Variants in PLEKHA6 observed in about 807,000 individuals in gnomAD.
PLEKHA6 encodes the protein pleckstrin homology domain containing A6.
PLEKHA6 carries 60 observed loss-of-function variants against 116.7 expected under a neutral mutation model. The observed-to-expected ratio is 0.51, with a 90% CI of 0.42 to 0.64. PLEKHA6 has a LOEUF of 0.64. Among genes scored for constraint, PLEKHA6 ranks in the 30% least tolerant of loss-of-function variants. The pLI, the probability that PLEKHA6 is intolerant of heterozygous loss-of-function variation, is 0.00. For missense variants in PLEKHA6, 1,338 were observed against 1,422.7 expected (o/e 0.94, Z 0.96); for synonymous variants, 489 against 556.1 (o/e 0.88, Z 1.70).
chr1:204,325,838 G>A, intron 1 of PLEKHA6: 1 of 891,774 alleles, frequency 1.1e-6, no homozygotes, highest in Non-Finnish European at 1.3e-6. Flanking sequence ...GAGATCTCAG[G>A]GCCCAGGCGA....
chr1:204,223,320 G>A lies in PLEKHA6; in HGVS notation c.*8+142C>T, dbSNP rs1659876882. The A allele has an allele frequency of 1.5e-6, 1 of 650,594 alleles. No individual in the cohort carries two copies. Among genetic ancestry groups the A allele is most frequent in the Non-Finnish European group, 2.8e-6 (1 of 352,134 alleles). The allele number at this position is 650,594 out of a possible 1,614,324, so 40.3% of individuals were successfully genotyped here. On this transcript the variant is annotated intron_variant, in intron 22 of 22. Transcript: ENST00000272203. This position sits in a 1 kb window ranked among gnomAD's most constrained non-coding sequence, Gnocchi z 4.8. The stretch of plus-strand genomic sequence containing the variant: ...GGATGGACGGATGGATGGATGAATG[G>A]ATGGATAGTGGGGAGGAGCAGCACA...
chr1:204,321,457 A>C (rs1343319581), intron 1 of PLEKHA6, among the ~76,000 whole-genome samples: 5 of 148,104 alleles, frequency 3.4e-5, no homozygotes, highest in Admixed American at 2.8e-4. Context: ...CCTGCAGTGC[A>C]CTCTGTGCTC....
intron 1 of PLEKHA6, among the ~76,000 whole-genome samples, chr1:204,296,547 G>A (rs547873888): frequency 1.3e-5 from 2 of 152,242 alleles, no homozygotes; most frequent in Non-Finnish European, 2.9e-5. Context: ...GCATTGCAGC[G>A]GCCCTCTAAG....
chr1:204,341,155 G>C (rs959490731), intron 1 of PLEKHA6, among the ~76,000 whole-genome samples: 65 of 152,238 alleles, frequency 4.3e-4, no homozygotes, highest in African/African-American at 1.4e-3. Flanking sequence ...TGTGTACCAG[G>C]CCCCCAGGAA....
chr1:204,269,044 C>T (rs1337590320), intron 3 of PLEKHA6, among the ~76,000 whole-genome samples: 1 of 152,088 alleles, frequency 6.6e-6, no homozygotes, highest in African/African-American at 2.4e-5. Flanking sequence ...CAGCACCCTC[C>T]ACCTGCACTC....
At chr1:204,349,117 C>T (rs1673184050) in intron 1 of PLEKHA6, among the ~76,000 whole-genome samples, 1 of 152,194 alleles carries the variant, frequency 6.6e-6, no homozygotes, top group African/African-American at 2.4e-5. Flanking sequence ...CTCTGCAGTC[C>T]CTGAGACAGC....
chr1:204,354,865 C>T (rs2942134), intron 1 of PLEKHA6, among the ~76,000 whole-genome samples: 22,441 of 152,286 alleles, frequency 0.15, 3,014 homozygotes, highest in African/African-American at 0.36. Context: ...GATGTGCACA[C>T]GGCCGTGCAG....
intron 1 of PLEKHA6, chr1:204,301,434 G>C (rs1670803877): frequency 2.0e-6 from 2 of 985,330 alleles, no homozygotes; most frequent in African/African-American, 3.5e-5. Flanking sequence ...AGCTGGCGGA[G>C]GCAATGTGTT....
chr1:204,317,809 G>A (rs1040943799), intron 1 of PLEKHA6, among the ~76,000 whole-genome samples: 26 of 152,268 alleles, frequency 1.7e-4, no homozygotes, highest in African/African-American at 6.3e-4. Context: ...GGATACTTTT[G>A]TTAAAACACA....
At chr1:204,327,012 C>T in intron 1 of PLEKHA6, 1 of 985,296 alleles carries the variant, frequency 1.0e-6, no homozygotes. Flanking sequence ...GATTTGTGGA[C>T]AAAGCAGCTA....
rs375538504 is a variant in PLEKHA6 at position 204,264,952 on chromosome 1, T to C, written c.371A>G (p.His124Arg). Reference protein sequence around the residue: ...VQPSDNISRKHTFKAEHAGVR... With the variant: ...VQPSDNISRKRTFKAEHAGVR... ...GGAAGGCCAACTGACCTTAAACGTG[T>C]GTTTCCGGCTGATGTTGTCTGAGGG... is the stretch of plus-strand genomic sequence containing the variant. Residue 124 changes from histidine (H) to arginine (R), a missense_variant, in exon 6 of 23, where the codon CAC becomes CGC. By Grantham distance (29) the His-to-Arg change is conservative (BLOSUM62 0). Coordinates refer to ENST00000272203, the MANE Select transcript of PLEKHA6 (RefSeq NM_014935.5). 3.1e-6 allele frequency: 5 copies of C among 1,613,242 alleles called. No individual in the cohort carries two copies. In the African/African-American group the frequency reaches 6.7e-5, roughly 22 times the overall value.
At chr1:204,244,499 C>A (rs536835780) in intron 15 of PLEKHA6, among the ~76,000 whole-genome samples, 2 of 152,268 alleles carry the variant, frequency 1.3e-5, no homozygotes, top group East Asian at 3.9e-4. Context: ...CCAGAAAACA[C>A]TTGCTGATTG....
intron 14 of PLEKHA6, among the ~76,000 whole-genome samples, chr1:204,245,323 G>T (rs1158828452): frequency 6.6e-6 from 1 of 152,058 alleles, no homozygotes; most frequent in Admixed American, 6.5e-5. Context: ...GTCACAAGTG[G>T]GCCCATGTGC....
chr1:204,234,701 C>T (rs1661691225), intron 17 of PLEKHA6, among the ~76,000 whole-genome samples: 2 of 151,844 alleles, frequency 1.3e-5, no homozygotes, highest in South Asian at 4.2e-4. Context: ...AAGGCAGATC[C>T]ATCCTTAATC....
At chr1:204,322,529 G>A (rs971066162) in intron 1 of PLEKHA6, among the ~76,000 whole-genome samples, 1 of 152,218 alleles carries the variant, frequency 6.6e-6, no homozygotes, top group South Asian at 2.1e-4. Context: ...CACCTTCAAA[G>A]TGCCATTAGT....
rs536567945 is a variant in PLEKHA6 at position 204,328,414 on chromosome 1, T to C, written c.-95+31280A>G. Among the ~76,000 whole-genome samples the C allele has an allele frequency of 5.7e-4, 82 of 144,962 alleles. 1 individual carries two copies. The highest frequency in any genetic ancestry group is 1.9e-3 in the African/African-American group (75 of 38,902). The stretch of plus-strand genomic sequence containing the variant: ...AATTTTCTTTCTTTTTTTTTTTTTT[T>C]AGACAGAGTTTCGCTCTTGTTGCCC... On this transcript the variant is annotated intron_variant, in intron 1 of 22. Coordinates refer to ENST00000272203, the MANE Select transcript of PLEKHA6 (RefSeq NM_014935.5).
intron 1 of PLEKHA6, among the ~76,000 whole-genome samples, chr1:204,315,198 A>G (rs972729035): frequency 6.6e-6 from 1 of 152,008 alleles, no homozygotes; most frequent in Non-Finnish European, 1.5e-5. Flanking sequence ...ATTAAAGCCA[A>G]TTTCCCCTCC....
intron 1 of PLEKHA6, chr1:204,276,885 T>A (rs959785774): frequency 1.3e-5 from 2 of 152,516 alleles, no homozygotes; most frequent in Non-Finnish European, 2.9e-5. Context: ...CTTCTCCAGG[T>A]CATCTCAAGC....
rs769225576 is a variant in PLEKHA6, at chr1:204,261,701, C to A, written c.382-253G>T. On this transcript the variant is annotated intron_variant, in intron 6 of 22. Transcript: ENST00000272203. This position sits in a 1 kb window ranked among gnomAD's most constrained non-coding sequence, Gnocchi z 4.0. The stretch of plus-strand genomic sequence containing the variant: ...GGGCACCATTAGGCAGCCCAATAAC[C>A]AGGTCAGCCTACTTGCCCCACCTGG... 6.6e-6 allele frequency among the ~76,000 whole-genome samples: 1 copy of A among 152,204 alleles called. No homozygotes were observed. Among genetic ancestry groups the A allele is most frequent in the African/African-American group, 2.4e-5 (1 of 41,456 alleles).
Sources: allele counts gnomAD v4.1 joint callset (sites outside exome capture counted in the v4.1 genomes callset), GRCh38; gene constraint gnomAD v4.1.1; non-coding constraint Gnocchi (gnomAD v3.1); transcripts MANE v1.5; gene names NCBI Gene and HGNC (gene_info 2026-07-23, HGNC 2026-07-21).